Variants in MYO9B observed in about 807,000 individuals in gnomAD.
The protein encoded by MYO9B is myosin IXB.
A neutral mutation model predicts 229.5 loss-of-function variants in MYO9B; 71 were observed. That is an observed-to-expected ratio of 0.31 (90% CI 0.26 to 0.38). MYO9B has a LOEUF of 0.38. MYO9B is among the 10% of genes least tolerant of loss of function. MYO9B has a pLI of 1.00. For missense variants in MYO9B, 2,255 were observed against 2,920.5 expected (o/e 0.77, Z 5.25); for synonymous variants, 1,185 against 1,235.8 (o/e 0.96, Z 0.86).
chr19:17,152,755 G>T lies in MYO9B; in HGVS notation c.998+49G>T, dbSNP rs185865016. The T allele has an allele frequency of 2.1e-4, 321 of 1,515,496 alleles. 1 individual carries two copies. Among genetic ancestry groups the T allele is most frequent in the Non-Finnish European group, 2.8e-4 (307 of 1,096,038 alleles). 93.9% of individuals were successfully genotyped at this position (1,515,496 alleles called of 1,614,324 possible). On this transcript the variant is annotated intron_variant, in intron 4 of 39. Coordinates refer to ENST00000682292, the MANE Select transcript of MYO9B (RefSeq NM_004145.4). ...TCTCTGAATGCCACGCCATGTCTACGTTTCCTCCTACAGAGGAGAGAAGCA... is the reference window on the plus strand; with the variant it reads ...TCTCTGAATGCCACGCCATGTCTACTTTTCCTCCTACAGAGGAGAGAAGCA...
intron 3 of MYO9B, among the ~76,000 whole-genome samples, chr19:17,148,691 C>A (rs764536642): frequency 6.6e-6 from 1 of 152,204 alleles, no homozygotes. Context: ...TCAAGCAATT[C>A]TTGTGCCTCA....
chr19:17,086,379 T>C (rs2057583531), intron 1 of MYO9B, among the ~76,000 whole-genome samples: 1 of 152,160 alleles, frequency 6.6e-6, no homozygotes, highest in Non-Finnish European at 1.5e-5. Context: ...GTCCAGCTCG[T>C]TTGCACTGTA....
chr19:17,103,271 A>T (rs893972260), intron 2 of MYO9B: 4 of 152,188 alleles, frequency 2.6e-5, no homozygotes, highest in Non-Finnish European at 4.4e-5. Flanking sequence ...TGCGAAGCCA[A>T]CTGGTCAGGA....
At position 17,159,377 on chromosome 19, in the gene MYO9B, T is replaced by G; in HGVS notation, c.1330-18T>G. ...TCCATCTCCCTTTTCCTTCTCCCTC[T>G]CCTTGACCTCCAAACAGGTGAAGCG... On this transcript the variant is annotated intron_variant, in intron 7 of 39. Transcript: ENST00000682292. The G allele has an allele frequency of 6.3e-7, 1 of 1,587,808 alleles. No homozygotes were observed. The highest frequency in any genetic ancestry group is 1.3e-5 in the African/African-American group (1 of 74,528).
chr19:17,110,848 C>T (rs561362069), intron 2 of MYO9B, among the ~76,000 whole-genome samples: 2 of 152,230 alleles, frequency 1.3e-5, no homozygotes, highest in South Asian at 2.1e-4. Context: ...GGGTCCTGAA[C>T]GTGCCACTGC....
rs1180295806 is a variant in MYO9B, at chr19:17,181,103, C to T, written c.2333+63C>T. 15 of 1,167,148 alleles carry T rather than the reference C, an allele frequency of 1.3e-5. No homozygotes were observed. The Admixed American group carries it at 3.2e-4, about 25-fold the overall frequency. 72.3% of individuals were successfully genotyped at this position (1,167,148 alleles called of 1,614,324 possible). ...AACCGCCTCCCACTACTCCTGCGAC[C>T]CCGGCGGGGCCTGCAGTCTTCCTAA... is the stretch of plus-strand genomic sequence containing the variant. On this transcript the variant is annotated intron_variant, in intron 15 of 39. Coordinates refer to ENST00000682292, the MANE Select transcript of MYO9B (RefSeq NM_004145.4).
intron 1 of MYO9B, among the ~76,000 whole-genome samples, chr19:17,083,293 G>C (rs1316932575): frequency 6.6e-6 from 1 of 152,008 alleles, no homozygotes; most frequent in African/African-American, 2.4e-5. Flanking sequence ...GCCTCCCAAA[G>C]TGCTGGGATT....
chr19:17,139,914 G>A (rs1568269892), intron 2 of MYO9B, among the ~76,000 whole-genome samples: 2 of 152,072 alleles, frequency 1.3e-5, no homozygotes, highest in Non-Finnish European at 2.9e-5. Flanking sequence ...GGTGGTGCAT[G>A]CCTGTAATCC....
At chr19:17,103,305 G>GT (rs1228275893) in intron 2 of MYO9B, 1 of 152,206 alleles carries the variant, frequency 6.6e-6, no homozygotes, top group Non-Finnish European at 1.5e-5. Context: ...TGGAAAGAGA[G>GT]TTTGTTACTC....
At chr19:17,171,279 C>T (rs1280130122) in intron 11 of MYO9B, among the ~76,000 whole-genome samples, 2 of 152,188 alleles carry the variant, frequency 1.3e-5, no homozygotes, top group East Asian at 3.9e-4. Context: ...CATCATTTCC[C>T]TCCTGGGAGG....
chr19:17,199,614 A>G (rs993478977), intron 24 of MYO9B, among the ~76,000 whole-genome samples: 14 of 151,568 alleles, frequency 9.2e-5, no homozygotes, highest in African/African-American at 3.4e-4. Context: ...CTCAGGCTCA[A>G]GCGATTCTCC....
chr19:17,122,293 C>T (rs756809546), intron 2 of MYO9B, among the ~76,000 whole-genome samples: 1 of 152,170 alleles, frequency 6.6e-6, no homozygotes, highest in Non-Finnish European at 1.5e-5. Context: ...AATCCCAGCA[C>T]TTTGGGAGTA....
At chr19:17,171,364 T>G (rs1021428879) in intron 11 of MYO9B, among the ~76,000 whole-genome samples, 1 of 152,022 alleles carries the variant, frequency 6.6e-6, no homozygotes, top group Non-Finnish European at 1.5e-5. Context: ...AACAGAGCCC[T>G]GCTTCATCCT....
intron 2 of MYO9B, among the ~76,000 whole-genome samples, chr19:17,135,559 G>A (rs1427489995): frequency 2.0e-5 from 3 of 152,162 alleles, no homozygotes; most frequent in South Asian, 2.1e-4. Context: ...GCGCTGGGCC[G>A]CACTTCCCCC....
intron 6 of MYO9B, among the ~76,000 whole-genome samples, chr19:17,156,292 T>C (rs752212144): frequency 5.3e-5 from 8 of 151,926 alleles, no homozygotes; most frequent in African/African-American, 9.7e-5. Context: ...TACAAACCTG[T>C]AGTCCCAGCT....
intron 26 of MYO9B, 51 bp from the exon 27 acceptor site, chr19:17,201,875 C>G (rs550879978): frequency 7.1e-7 from 1 of 1,412,694 alleles, no homozygotes; most frequent in Non-Finnish European, 9.9e-7. Flanking sequence ...TCCTCGGGTA[C>G]GCAGGTCCCC....
intron 30 of MYO9B, among the ~76,000 whole-genome samples, chr19:17,204,732 AG>A (rs2073141525): frequency 6.6e-6 from 1 of 152,118 alleles, no homozygotes; most frequent in Admixed American, 6.6e-5. Context: ...CTGTAGTGCC[AG>A]CTACTTGGGA....
At chr19:17,084,042 T>G (rs990822916) in intron 1 of MYO9B, among the ~76,000 whole-genome samples, 4 of 131,378 alleles carry the variant, frequency 3.0e-5, no homozygotes, top group African/African-American at 1.0e-4. Flanking sequence ...ACCCTTTGGG[T>G]TAATAACCCT....
At chr19:17,120,298 C>T (rs968313075) in intron 2 of MYO9B, among the ~76,000 whole-genome samples, 2 of 152,138 alleles carry the variant, frequency 1.3e-5, no homozygotes, top group African/African-American at 2.4e-5. Context: ...GGGCAGCCAC[C>T]GCTACTGCCC....
Sources: gnomAD v4.1 joint callset for allele counts (sites outside exome capture counted in the v4.1 genomes callset) on GRCh38, gnomAD v4.1.1 for gene constraint, MANE v1.5 for transcripts, NCBI Gene and HGNC (gene_info 2026-07-23, HGNC 2026-07-21) for gene names.